Variants in GLRB observed in about 807,000 individuals in gnomAD.
GLRB encodes glycine receptor subunit beta.
A neutral mutation model predicts 54.2 loss-of-function variants in GLRB; 33 were observed. That is an observed-to-expected ratio of 0.61 (90% confidence interval 0.46 to 0.81). GLRB has a LOEUF of 0.81. Among genes scored for constraint, GLRB ranks in the 40% least tolerant of loss-of-function variants. The pLI is 0.00. For synonymous variants in GLRB, 209 were observed against 208.2 expected, an observed-to-expected ratio of 1.00 and a Z score of -0.03; for missense variants, 572 against 584.6, an observed-to-expected ratio of 0.98 and a Z score of 0.22.
intron 7 of GLRB, among the ~76,000 whole-genome samples, chr4:157,142,322 T>A (rs1422571911): frequency 6.6e-6 from 1 of 152,116 alleles, no homozygotes; most frequent in African/African-American, 2.4e-5. Flanking sequence ...TAAATTCAAC[T>A]GTAAAAAAGA....
At chr4:157,084,587 G>C in intron 2 of GLRB, 1 of 455,834 alleles carries the variant, frequency 2.2e-6, no homozygotes, top group Non-Finnish European at 4.4e-6. Flanking sequence ...TTCTTTGTTA[G>C]TTTTTTCATA....
chr4:157,118,560 G>A (rs755115417), intron 2 of GLRB, among the ~76,000 whole-genome samples: 7 of 151,664 alleles, frequency 4.6e-5, no homozygotes, highest in Non-Finnish European at 3.0e-5. Context: ...TATGATCTAT[G>A]CACTTTTGGG....
intron 9 of GLRB, among the ~76,000 whole-genome samples, chr4:157,160,619 A>G (rs913365323): frequency 5.3e-5 from 8 of 151,842 alleles, no homozygotes; most frequent in African/African-American, 1.7e-4. Context: ...CAGGTTGTTC[A>G]GTTTCCATGT....
At chr4:157,125,878 G>A (rs945893043) in intron 4 of GLRB, among the ~76,000 whole-genome samples, 1 of 151,996 alleles carries the variant, frequency 6.6e-6, no homozygotes, top group South Asian at 2.1e-4. Context: ...AATCCAGGAG[G>A]TGGAGGTTGC....
chr4:157,158,872 G>T (rs897795937), intron 9 of GLRB, among the ~76,000 whole-genome samples: 4 of 145,710 alleles, frequency 2.7e-5, no homozygotes, highest in Non-Finnish European at 4.4e-5. Context: ...TATGAAGAAA[G>T]TCATTGTTAG....
chr4:157,097,260 C>T (rs756730165), intron 2 of GLRB, among the ~76,000 whole-genome samples: 1 of 152,074 alleles, frequency 6.6e-6, no homozygotes, highest in East Asian at 1.9e-4. Flanking sequence ...ACATTGATTT[C>T]TCTTTCTCTA....
intron 2 of GLRB, among the ~76,000 whole-genome samples, chr4:157,078,521 C>A (rs1051090052): frequency 1.3e-5 from 2 of 151,322 alleles, no homozygotes; most frequent in African/African-American, 4.9e-5. Flanking sequence ...TTTAAAAAAA[C>A]CCTAAAATAT....
At chr4:157,106,517 G>A (rs893795973) in intron 2 of GLRB, among the ~76,000 whole-genome samples, 5 of 152,092 alleles carry the variant, frequency 3.3e-5, no homozygotes, top group African/African-American at 1.2e-4. Context: ...CTATGTGGGT[G>A]AACACTACCC....
chr4:157,086,702 A>G (rs1734425857), intron 2 of GLRB, among the ~76,000 whole-genome samples: 2 of 152,246 alleles, frequency 1.3e-5, no homozygotes, highest in African/African-American at 4.8e-5. Flanking sequence ...GATAAGTTCA[A>G]TTAAAGGAAA....
chr4:157,078,435 G>A (rs2126410193), intron 2 of GLRB: 1 of 161,582 alleles, frequency 6.2e-6, no homozygotes, highest in South Asian at 2.0e-4. Flanking sequence ...TTTTTCTTAT[G>A]CTAAATGTGC....
intron 2 of GLRB, among the ~76,000 whole-genome samples, chr4:157,083,977 T>A (rs946245972): frequency 1.3e-5 from 2 of 152,126 alleles, no homozygotes; most frequent in Non-Finnish European, 2.9e-5. Context: ...ATCTAATAAA[T>A]GCCTGCCATA....
intron 8 of GLRB, among the ~76,000 whole-genome samples, chr4:157,148,707 C>G (rs981404426): frequency 1.3e-5 from 2 of 152,098 alleles, no homozygotes; most frequent in Non-Finnish European, 2.9e-5. Flanking sequence ...AGAATATACT[C>G]ACGGATTTCA....
At chr4:157,131,433 T>G (rs2126555010) in intron 4 of GLRB, among the ~76,000 whole-genome samples, 1 of 151,930 alleles carries the variant, frequency 6.6e-6, no homozygotes, top group East Asian at 1.9e-4. Flanking sequence ...TTAGACGTTA[T>G]CCTCCAAAGT....
intron 2 of GLRB, chr4:157,084,862 A>G (rs1734350831): frequency 3.0e-6 from 1 of 332,144 alleles, no homozygotes; most frequent in Non-Finnish European, 5.8e-6. Context: ...ATTTTAGTAT[A>G]ATTCCAGTTT....
intron 9 of GLRB, among the ~76,000 whole-genome samples, chr4:157,165,552 A>G (rs1350892298): frequency 2.6e-5 from 4 of 152,034 alleles, no homozygotes; most frequent in Admixed American, 6.6e-5. Flanking sequence ...ATGATAATGT[A>G]TAGCTTTTAC....
chr4:157,106,786 G>A (rs1308259170), intron 2 of GLRB, among the ~76,000 whole-genome samples: 1 of 152,030 alleles, frequency 6.6e-6, no homozygotes, highest in African/African-American at 2.4e-5. Flanking sequence ...TGGCATTGCA[G>A]GGTGTCCAAC....
At chr4:157,113,855 A>G (rs1285225819) in intron 2 of GLRB, among the ~76,000 whole-genome samples, 2 of 152,016 alleles carry the variant, frequency 1.3e-5, no homozygotes, top group South Asian at 2.1e-4. Context: ...TAATCATGTA[A>G]AAGGTATCAC....
chr4:157,139,571 T>C (rs998518746), intron 7 of GLRB, among the ~76,000 whole-genome samples: 1 of 152,066 alleles, frequency 6.6e-6, no homozygotes, highest in African/African-American at 2.4e-5. Flanking sequence ...CTCAATACTG[T>C]CATAATATGA....
In GLRB at chr4:157,116,987, T is replaced by G. The variant is rs568212953; in HGVS notation, c.123-3569T>G. ...GTTGTTGTTTGTTTGCTTGTTTGATTTTCAAAAGATTTTTGTCAAACAATG... is the reference window on the plus strand; with the variant it reads ...GTTGTTGTTTGTTTGCTTGTTTGATGTTCAAAAGATTTTTGTCAAACAATG... On this transcript the variant is annotated intron_variant, in intron 2 of 9. Transcript: ENST00000264428. Among the ~76,000 whole-genome samples, 4 of 151,868 alleles carry G rather than the reference T, an allele frequency of 2.6e-5. No homozygotes were observed. In the East Asian group the frequency reaches 7.8e-4, roughly 30 times the overall value.
Sources: allele counts gnomAD v4.1 joint callset (sites outside exome capture counted in the v4.1 genomes callset), GRCh38; gene constraint gnomAD v4.1.1; transcripts MANE v1.5; gene names NCBI Gene and HGNC (gene_info 2026-07-23, HGNC 2026-07-21).